LRRC2: variants seen among roughly 807,000 people sequenced by gnomAD.
The protein encoded by LRRC2 is leucine rich repeat containing 2.
Under a neutral mutation model 40.2 loss-of-function variants are expected in LRRC2, and 27 were observed. The observed-to-expected ratio is 0.67, with a 90% CI of 0.49 to 0.93. The LOEUF (loss-of-function observed/expected upper bound fraction) is 0.93, where lower values mean the gene tolerates loss of function less well. LRRC2 is among the 40% of genes least tolerant of loss of function. The pLI, the probability that LRRC2 is intolerant of heterozygous loss-of-function variation, is 0.00. For synonymous variants in LRRC2, 147 were observed against 158.9 expected, an observed-to-expected ratio of 0.92 and a Z score of 0.56; for missense variants, 402 against 439.6, an observed-to-expected ratio of 0.91 and a Z score of 0.76.
intron 1 of LRRC2, among the ~76,000 whole-genome samples, chr3:46,560,780 G>C (rs1223132874): frequency 6.6e-6 from 1 of 152,150 alleles, no homozygotes; most frequent in African/African-American, 2.4e-5. Context: ...GCATCTTCCA[G>C]AGAAGAAAAC....
intron 1 of LRRC2, among the ~76,000 whole-genome samples, chr3:46,565,934 T>A (rs914434034): frequency 2.0e-5 from 3 of 152,184 alleles, no homozygotes; most frequent in Non-Finnish European, 4.4e-5. Flanking sequence ...CCCCACGCTC[T>A]CTCCTTTCTC....
chr3:46,555,044 A>G (rs1704760436), intron 1 of LRRC2, among the ~76,000 whole-genome samples: 1 of 152,238 alleles, frequency 6.6e-6, no homozygotes, highest in Non-Finnish European at 1.5e-5. Context: ...TCTTCTTTGG[A>G]GAAATGTCTA....
At chr3:46,522,603 C>T (rs1490260110) in intron 7 of LRRC2, among the ~76,000 whole-genome samples, 2 of 151,892 alleles carry the variant, frequency 1.3e-5, no homozygotes, top group Admixed American at 6.6e-5. Context: ...ATCCCAGCTA[C>T]TCGGCAGGCT....
chr3:46,532,384 C>G (rs1704177830), intron 5 of LRRC2, among the ~76,000 whole-genome samples: 1 of 152,174 alleles, frequency 6.6e-6, no homozygotes. Context: ...GCAGGTGGAT[C>G]ACCTGAAGTC....
chr3:46,561,446 A>C (rs2107062629), intron 1 of LRRC2, among the ~76,000 whole-genome samples: 1 of 152,280 alleles, frequency 6.6e-6, no homozygotes, highest in East Asian at 1.9e-4. Context: ...CCAGCTACTA[A>C]GGAGGTTGAT....
At position 46,543,645 on chromosome 3, in the gene LRRC2, AT is replaced by A. The variant is rs1559415681; in HGVS notation, c.333+1400del. Among the ~76,000 whole-genome samples the A allele has an allele frequency of 2.3e-3, 220 of 95,436 alleles. 2 individuals are homozygous for A. The highest frequency in any genetic ancestry group is 0.016 in the East Asian group (78 of 4,848). 62.6% of individuals were successfully genotyped at this position (95,436 alleles called of 152,430 possible). On this transcript the variant is annotated intron_variant, in intron 3 of 8. Coordinates refer to ENST00000395905, the MANE Select transcript of LRRC2 (RefSeq NM_024512.5). The stretch of plus-strand genomic sequence containing the variant: ...AATAATAATAATAATAATAATAATA[AT>A]AATAAATAATAAATACCCTTTACAA...
At chr3:46,546,503 C>G (rs993779175) in intron 2 of LRRC2, among the ~76,000 whole-genome samples, 2 of 152,186 alleles carry the variant, frequency 1.3e-5, no homozygotes, top group African/African-American at 4.8e-5. Context: ...GATGGATAGC[C>G]TTTTCCCGGA....
intron 7 of LRRC2, among the ~76,000 whole-genome samples, chr3:46,523,263 T>A (rs966991694): frequency 3.9e-5 from 6 of 152,350 alleles, no homozygotes; most frequent in African/African-American, 1.2e-4. Flanking sequence ...TTGTACACAT[T>A]TTTAAACCTG....
At chr3:46,539,789 G>C (rs1227828153) in intron 3 of LRRC2, among the ~76,000 whole-genome samples, 1 of 152,312 alleles carries the variant, frequency 6.6e-6, no homozygotes, top group East Asian at 1.9e-4. Context: ...AGTGTCCAAG[G>C]CCTCCCCTAG....
In LRRC2 at chr3:46,516,388, T is replaced by C. The variant is rs1158312618; in HGVS notation, c.*2626A>G. ...GTTGAGAATAAAATGTTTGGACTTA[T>C]GAGTAAGCCCACCAAGACAAAATAT... is the stretch of plus-strand genomic sequence containing the variant. On this transcript the variant is annotated 3_prime_UTR_variant, in exon 9 of 9. Transcript: ENST00000395905. 1.3e-5 allele frequency: 2 copies of C among 152,138 alleles called. No homozygotes were observed. Among genetic ancestry groups the C allele is most frequent in the African/African-American group, 4.8e-5 (2 of 41,424 alleles). The allele number at this position is 152,138 out of a possible 1,614,324, so 9.4% of individuals were successfully genotyped here.
intron 4 of LRRC2, among the ~76,000 whole-genome samples, chr3:46,536,728 T>C (rs1218320079): frequency 6.6e-6 from 1 of 152,092 alleles, no homozygotes; most frequent in Non-Finnish European, 1.5e-5. Flanking sequence ...TTTTGGGGGA[T>C]TCTAAGGTGT....
chr3:46,531,747 G>A (rs1388843483), intron 5 of LRRC2, among the ~76,000 whole-genome samples: 1 of 152,098 alleles, frequency 6.6e-6, no homozygotes, highest in Admixed American at 6.5e-5. Flanking sequence ...TGGAATGGGT[G>A]CTAACAGCTT....
At chr3:46,554,835 C>G (rs1351457417) in intron 1 of LRRC2, among the ~76,000 whole-genome samples, 1 of 152,164 alleles carries the variant, frequency 6.6e-6, no homozygotes, top group Admixed American at 6.5e-5. Flanking sequence ...TCCAAAGCAG[C>G]TACATCATTT....
intron 8 of LRRC2, 36 bp from the exon 9 acceptor site, chr3:46,519,099 A>G: frequency 2.1e-6 from 3 of 1,451,010 alleles, no homozygotes; most frequent in Non-Finnish European, 2.9e-6. Flanking sequence ...TCAATCATTC[A>G]CCATTTTATT....
intron 4 of LRRC2, among the ~76,000 whole-genome samples, chr3:46,533,959 A>G (rs1303862178): frequency 4.1e-5 from 6 of 147,152 alleles, no homozygotes; most frequent in African/African-American, 1.5e-4. Context: ...TGTGCAGAAC[A>G]TGCAGGTTTC....
chr3:46,525,552 A>T (rs1251174756), intron 7 of LRRC2, among the ~76,000 whole-genome samples: 1 of 152,114 alleles, frequency 6.6e-6, no homozygotes. Context: ...GCCTGGCCAC[A>T]CTATAATCCT....
intron 1 of LRRC2, among the ~76,000 whole-genome samples, chr3:46,564,242 C>A (rs566152867): frequency 7.2e-4 from 110 of 152,012 alleles, no homozygotes; most frequent in Non-Finnish European, 1.4e-3. Context: ...GCTGACAGGG[C>A]AGGTTTGGCT....
chr3:46,531,828 C>T (rs11713015), intron 5 of LRRC2, among the ~76,000 whole-genome samples: 51,621 of 151,982 alleles, frequency 0.34, 8,935 homozygotes, highest in Middle Eastern at 0.49. Context: ...GGATGGCAAT[C>T]GGTGTCCAGT....
intron 8 of LRRC2, among the ~76,000 whole-genome samples, chr3:46,520,690 C>A (rs762078982): frequency 1.1e-4 from 16 of 152,204 alleles, no homozygotes; most frequent in Non-Finnish European, 2.1e-4. Context: ...CCCACAGATG[C>A]TCATCATCAG....
Sources: gnomAD v4.1 joint callset for allele counts (sites outside exome capture counted in the v4.1 genomes callset) on GRCh38, gnomAD v4.1.1 for gene constraint, MANE v1.5 for transcripts, NCBI Gene and HGNC (gene_info 2026-07-23, HGNC 2026-07-21) for gene names.